The following IL5RA variants were observed in gnomAD, a reference collection of about 807,000 sequenced individuals.
The protein encoded by IL5RA is interleukin-5 receptor subunit alpha.
Under a neutral mutation model 50.0 loss-of-function variants are expected in IL5RA, and 49 were observed. The observed-to-expected ratio is 0.98, with a 90% CI of 0.78 to 1.24. IL5RA has a LOEUF of 1.24. Ranked by LOEUF, IL5RA falls within the 50% of genes most tolerant of loss-of-function variation. The pLI, the probability that IL5RA is intolerant of heterozygous loss-of-function variation, is 0.00. For synonymous variants in IL5RA, 202 were observed against 174.0 expected (o/e 1.16, Z -1.26); for missense variants, 600 against 500.4 (o/e 1.20, Z -1.90).
intron 9 of IL5RA, among the ~76,000 whole-genome samples, chr3:3,082,793 T>C (rs1451028292): frequency 6.6e-6 from 1 of 152,202 alleles, no homozygotes; most frequent in Non-Finnish European, 1.5e-5. Context: ...TCTAGAATTC[T>C]ATGATGTATG....
At chr3:3,109,425 T>G (rs1161564480) in intron 1 of IL5RA, among the ~76,000 whole-genome samples, 1 of 152,240 alleles carries the variant, frequency 6.6e-6, no homozygotes, top group Admixed American at 6.5e-5. Context: ...CTGAGATATT[T>G]TATTAAACCC....
Position 3,104,937 on chromosome 3 carries a change from C to A in IL5RA, c.48G>T (p.Glu16Asp). The A allele has an allele frequency of 6.2e-7, 1 of 1,613,090 alleles. No individual in the cohort carries two copies. The highest frequency in any genetic ancestry group is 8.5e-7 in the Non-Finnish European group (1 of 1,179,150). The change falls in exon 3 of 12, where the codon GAG (glutamate) becomes GAT (aspartate). Residue 16 changes from glutamate to aspartate, a missense_variant. Coordinates refer to ENST00000446632, the MANE Select transcript of IL5RA (RefSeq NM_175726.4). ...HVLLILLGAT[E>D]ILQADLLPDE... ...CAGGAAGTAAGTCAGCTTGCAGTAT[C>A]TCAGTGGCCCCCAAAAGGATGAGTA...
At chr3:3,080,013 C>T (rs1448177181) in intron 9 of IL5RA, among the ~76,000 whole-genome samples, 1 of 151,796 alleles carries the variant, frequency 6.6e-6, no homozygotes, top group Admixed American at 6.6e-5. Flanking sequence ...GCCTGGGCTA[C>T]ACAGCAAGAC....
In IL5RA at chr3:3,092,222, AC is replaced by A; in HGVS notation, c.994+1del. The A allele has an allele frequency of 6.2e-7, 1 of 1,611,956 alleles. No individual in the cohort carries two copies. Among genetic ancestry groups the A allele is most frequent in the Non-Finnish European group, 8.5e-7 (1 of 1,179,524 alleles). ...AATGTAAAATAAACATAAGCTACTT[AC>A]CCACATAAATAGGTTGGCTCCACTC... On this transcript the variant is annotated splice_donor_variant, in intron 9 of 11. Transcript: ENST00000446632. LOFTEE classifies it high-confidence loss of function. The surrounding 1 kb of genome is among the most constrained non-coding windows in gnomAD (Gnocchi z 4.2).
At chr3:3,077,145 C>G (rs1702513142) in intron 9 of IL5RA, among the ~76,000 whole-genome samples, 2 of 152,168 alleles carry the variant, frequency 1.3e-5, no homozygotes, top group South Asian at 4.1e-4. Flanking sequence ...TCTTAAATAT[C>G]TTCAAAGCAC....
At chr3:3,104,612 T>C (rs114744592) in intron 3 of IL5RA, among the ~76,000 whole-genome samples, 1 of 152,288 alleles carries the variant, frequency 6.6e-6, no homozygotes, top group African/African-American at 2.4e-5. Flanking sequence ...TACTCCCTTG[T>C]GTGAGAAGAC....
chr3:3,104,604 C>T (rs1477125477), intron 3 of IL5RA, among the ~76,000 whole-genome samples: 3 of 152,100 alleles, frequency 2.0e-5, no homozygotes, highest in Non-Finnish European at 2.9e-5. Flanking sequence ...CTTCTAACTA[C>T]TCCCTTGTGT....
At chr3:3,076,648 A>C (rs761368550) in intron 9 of IL5RA, 21 bp from the exon 10 acceptor site, 8 of 1,509,448 alleles carry the variant, frequency 5.3e-6, no homozygotes, top group Non-Finnish European at 7.3e-6. Flanking sequence ...ACAAAAAAGA[A>C]ACAAAAAAAT....
In IL5RA at chr3:3,092,037, C is replaced by G; in HGVS notation, c.994+187G>C. On this transcript the variant is annotated intron_variant, in intron 9 of 11. Coordinates refer to ENST00000446632, the MANE Select transcript of IL5RA (RefSeq NM_175726.4). The surrounding 1 kb of genome is among the most constrained non-coding windows in gnomAD (Gnocchi z 4.2). ...TTGGCGCTAATGAGAAGCCTAGACA[C>G]TTAAAAACTTCACTGGCTTCATGGC... 7.3e-7 allele frequency: 1 copy of G among 1,367,024 alleles called. No individual in the cohort carries two copies. Among genetic ancestry groups the G allele is most frequent in the African/African-American group, 1.5e-5 (1 of 67,872 alleles). The allele number at this position is 1,367,024 out of a possible 1,614,324, so 84.7% of individuals were successfully genotyped here. A position where few individuals can be genotyped will look rare whatever the true frequency, so the allele number is the denominator to read the frequency against.
chr3:3,082,255 T>G (rs1308985268), intron 9 of IL5RA, among the ~76,000 whole-genome samples: 1 of 152,182 alleles, frequency 6.6e-6, no homozygotes, highest in Non-Finnish European at 1.5e-5. Context: ...TTCTGGGGTC[T>G]CCAACCTTGG....
intron 5 of IL5RA, among the ~76,000 whole-genome samples, chr3:3,100,470 A>G (rs1193002969): frequency 6.6e-6 from 1 of 151,956 alleles, no homozygotes; most frequent in Non-Finnish European, 1.5e-5. Flanking sequence ...TTTTGCACCA[A>G]CCTAATATAT....
Position 3,093,000 on chromosome 3 carries a change from C to T in IL5RA, c.856-638G>A, listed in dbSNP as rs1238964422. On this transcript the variant is annotated intron_variant, in intron 8 of 11. Transcript: ENST00000446632. This position sits in a 1 kb window ranked among gnomAD's most constrained non-coding sequence, Gnocchi z 4.2. ...ATATCATATGTCCATGTCGCCCCTC[C>T]CCACTCACATCCAGTTTTCATGCTG... Among the ~76,000 whole-genome samples the T allele has an allele frequency of 6.6e-6, 1 of 152,096 alleles. No individual in the cohort carries two copies. The highest frequency in any genetic ancestry group is 1.5e-5 in the Non-Finnish European group (1 of 68,010).
chr3:3,080,258 T>C (rs556617487), intron 9 of IL5RA, among the ~76,000 whole-genome samples: 3 of 152,328 alleles, frequency 2.0e-5, no homozygotes, highest in South Asian at 2.1e-4. Context: ...CTTACAGCGA[T>C]GCTTTGAGAT....
intron 9 of IL5RA, among the ~76,000 whole-genome samples, chr3:3,078,055 A>C (rs1164520809): frequency 6.6e-6 from 1 of 152,188 alleles, no homozygotes; most frequent in Non-Finnish European, 1.5e-5. Context: ...CATGGAGTCC[A>C]TTAGGAAAGA....
rs1297230687 is a variant in IL5RA, at chr3:3,110,238, A to G, written c.-439T>C. ...CTCGTCCAGATAGCCATTATCTGAT[A>G]ACTGTCTTGTCTGCATTTTCACTCT... On this transcript the variant is annotated 5_prime_UTR_variant, in exon 1 of 12. Coordinates refer to ENST00000446632, the MANE Select transcript of IL5RA (RefSeq NM_175726.4). The G allele has an allele frequency of 6.6e-6, 1 of 152,230 alleles. No individual in the cohort carries two copies. The highest frequency in any genetic ancestry group is 1.5e-5 in the Non-Finnish European group (1 of 68,054). 9.4% of individuals were successfully genotyped at this position (152,230 alleles called of 1,614,324 possible). A position where few individuals can be genotyped will look rare whatever the true frequency, so the allele number is the denominator to read the frequency against.
intron 10 of IL5RA, among the ~76,000 whole-genome samples, chr3:3,075,887 C>A (rs370869283): frequency 2.4e-4 from 37 of 152,052 alleles, no homozygotes; most frequent in Non-Finnish European, 3.2e-4. Flanking sequence ...GGAGTGAGCC[C>A]CCACACCCGG....
Position 3,068,308 on chromosome 3 carries a change from A to C in IL5RA, c.*1917T>G, listed in dbSNP as rs2125944111. 6.6e-6 allele frequency: 1 copy of C among 152,358 alleles called. No homozygotes were observed. The highest frequency in any genetic ancestry group is 1.5e-5 in the Non-Finnish European group (1 of 68,138). The allele number at this position is 152,358 out of a possible 1,614,324, so 9.4% of individuals were successfully genotyped here. On this transcript the variant is annotated 3_prime_UTR_variant, in exon 12 of 12. Transcript: ENST00000446632. ...GTTTCCTGGCCAGGAATGGTGGTTC[A>C]TGCCTGTAATCCCAGTACTTTGGAA...
At position 3,101,714 on chromosome 3, in the gene IL5RA, A is replaced by G. The variant is rs1472880759; in HGVS notation, c.345T>C (p.Ser115=). Residue 115 remains serine (S), a synonymous_variant, in exon 5 of 12, where the codon TCT becomes TCC. Coordinates refer to ENST00000446632, the MANE Select transcript of IL5RA (RefSeq NM_175726.4). ...DHSLLASSWA[S]AELHAPPGSP... is the part of the protein sequence containing the mutation. The stretch of plus-strand genomic sequence containing the variant: ...TACCTGGTGGGGCATGAAGTTCAGC[A>G]GAAGCCCAGCTGCTGGCCAGTAGTG... The G allele has an allele frequency of 6.2e-7, 1 of 1,614,150 alleles. No individual in the cohort carries two copies. The highest frequency in any genetic ancestry group is 8.5e-7 in the Non-Finnish European group (1 of 1,180,006).
At chr3:3,085,640 G>C (rs181955587) in intron 9 of IL5RA, among the ~76,000 whole-genome samples, 83 of 152,254 alleles carry the variant, frequency 5.5e-4, no homozygotes, top group African/African-American at 1.7e-3. Flanking sequence ...AAGGTACCAA[G>C]TCACCTCACA....
Sources: gnomAD v4.1 joint callset for allele counts (sites outside exome capture counted in the v4.1 genomes callset) on GRCh38, gnomAD v4.1.1 for gene constraint, Gnocchi (gnomAD v3.1) non-coding constraint, MANE v1.5 for transcripts, NCBI Gene and HGNC (gene_info 2026-07-23, HGNC 2026-07-21) for gene names.